Variants in EGLN1 observed in about 807,000 individuals in gnomAD.
EGLN1 encodes egl-9 family hypoxia inducible factor 1.
EGLN1 carries 17 observed loss-of-function variants against 38.3 expected under a neutral mutation model. That is an observed-to-expected ratio of 0.44 (90% CI 0.30 to 0.67). EGLN1 has a LOEUF of 0.67. EGLN1 is among the 30% of genes least tolerant of loss of function. The probability of loss-of-function intolerance (pLI) is 0.08; values close to 1 mark genes in which losing one functional copy is unlikely to be tolerated. For missense variants in EGLN1, 477 were observed against 603.3 expected (o/e 0.79, Z 2.19); for synonymous variants, 283 against 257.5 (o/e 1.10, Z -0.95).
chr1:231,402,689 C>A (rs1292798751), intron 1 of EGLN1, among the ~76,000 whole-genome samples: 1 of 152,072 alleles, frequency 6.6e-6, no homozygotes, highest in East Asian at 1.9e-4. Flanking sequence ...CCGGCCTCGG[C>A]CTCCCAAAGT....
intron 1 of EGLN1, among the ~76,000 whole-genome samples, chr1:231,405,215 C>A (rs1293310271): frequency 6.6e-6 from 1 of 152,070 alleles, no homozygotes; most frequent in Non-Finnish European, 1.5e-5. Context: ...TTCTGTCGCC[C>A]AGGCTGGAGT....
intron 1 of EGLN1, among the ~76,000 whole-genome samples, chr1:231,375,622 G>GT (rs1189651884): frequency 6.6e-6 from 1 of 152,146 alleles, no homozygotes; most frequent in African/African-American, 2.4e-5. Flanking sequence ...ATATGTCTCT[G>GT]TTTTTCCTGA....
chr1:231,378,892 T>C (rs773469569), intron 1 of EGLN1, among the ~76,000 whole-genome samples: 2 of 152,180 alleles, frequency 1.3e-5, no homozygotes, highest in African/African-American at 4.8e-5. Flanking sequence ...TTAAACTATA[T>C]TATCAAAGCA....
chr1:231,373,949 A>G, intron 2 of EGLN1, 31 bp downstream of exon 2: 1 of 1,611,888 alleles, frequency 6.2e-7, no homozygotes, highest in South Asian at 1.1e-5. Flanking sequence ...CACCTGTAAG[A>G]AAAAAATAAA....
At chr1:231,417,467 C>T (rs1297863895) in intron 1 of EGLN1, among the ~76,000 whole-genome samples, 1 of 152,142 alleles carries the variant, frequency 6.6e-6, no homozygotes, top group Non-Finnish European at 1.5e-5. Context: ...CCTCACTCCT[C>T]TGCATTCCTC....
chr1:231,389,406 GAAA>G (rs112313323), intron 1 of EGLN1, among the ~76,000 whole-genome samples: 71 of 149,866 alleles, frequency 4.7e-4, no homozygotes, highest in Middle Eastern at 3.5e-3. Context: ...TTGACAAAAT[GAAA>G]AAAAATTTTT....
At chr1:231,369,431 G>A (rs1157469325) in intron 3 of EGLN1, 1 of 265,992 alleles carries the variant, frequency 3.8e-6, no homozygotes, top group Non-Finnish European at 5.8e-6. Flanking sequence ...CAGTTACTGT[G>A]TCAGAAAATC....
At chr1:231,420,939 A>G (rs1353711766) in intron 1 of EGLN1, 59 bp downstream of exon 1, 7 of 1,613,312 alleles carry the variant, frequency 4.3e-6, no homozygotes, top group Non-Finnish European at 5.1e-6. Context: ...TTTCAGTCGC[A>G]GGCAGGGGCT....
intron 1 of EGLN1, among the ~76,000 whole-genome samples, chr1:231,387,755 T>TTCTC (rs960830387): frequency 5.3e-5 from 8 of 152,122 alleles, no homozygotes; most frequent in African/African-American, 1.9e-4. Flanking sequence ...AGAAGTCAAG[T>TTCTC]TCTCTATATC....
chr1:231,373,927 T>C, intron 2 of EGLN1, 53 bp downstream of exon 2: 2 of 1,603,734 alleles, frequency 1.2e-6, no homozygotes, highest in African/African-American at 1.3e-5. Flanking sequence ...CTTAATGCTT[T>C]TGAGAAAAAG....
At chr1:231,411,008 G>A (rs1293998946) in intron 1 of EGLN1, among the ~76,000 whole-genome samples, 2 of 152,030 alleles carry the variant, frequency 1.3e-5, no homozygotes, top group Non-Finnish European at 2.9e-5. Context: ...CAAAACTATA[G>A]AAGCCAAGCT....
chr1:231,368,166 A>G (rs1006239969), intron 3 of EGLN1, among the ~76,000 whole-genome samples: 12 of 152,104 alleles, frequency 7.9e-5, no homozygotes, highest in African/African-American at 2.9e-4. Context: ...ACTCCAGCCT[A>G]GGTGACAGAG....
At chr1:231,412,674 TAGA>T (rs1343575977) in intron 1 of EGLN1, among the ~76,000 whole-genome samples, 3 of 152,184 alleles carry the variant, frequency 2.0e-5, no homozygotes, top group African/African-American at 7.2e-5. Context: ...AGGATGGGGC[TAGA>T]AGGTCAACAG....
Position 231,421,457 on chromosome 1 carries a change from G to A in EGLN1, c.432C>T (p.Pro144=), listed in dbSNP as rs886046110. The change falls in exon 1 of 5, where the codon CCC becomes CCT. Residue 144 remains proline (P), a synonymous_variant. Transcript: ENST00000366641. The surrounding 1 kb of genome is among the most constrained non-coding windows in gnomAD (Gnocchi z 5.5). ...QGSAVAAEAE[P]GKEEPPARSS... ...AGCGGGCCGGCGGCTCCTCCTTGCC[G>A]GGCTCGGCTTCGGCAGCCACCGCCG... is the stretch of plus-strand genomic sequence containing the variant. 4.1e-6 allele frequency: 6 copies of A among 1,479,986 alleles called. No individual in the cohort carries two copies. The highest frequency in any genetic ancestry group is 1.8e-4 in the Middle Eastern group (1 of 5,420). 91.7% of individuals were successfully genotyped at this position (1,479,986 alleles called of 1,614,324 possible). A position where few individuals can be genotyped will look rare whatever the true frequency, so the allele number is the denominator to read the frequency against.
At chr1:231,390,375 AAG>A (rs918550247) in intron 1 of EGLN1, among the ~76,000 whole-genome samples, 2 of 152,344 alleles carry the variant, frequency 1.3e-5, no homozygotes, top group African/African-American at 4.8e-5. Context: ...CATAAACTCT[AAG>A]AGAGTCTACT....
intron 4 of EGLN1, among the ~76,000 whole-genome samples, chr1:231,367,303 T>C (rs1263709652): frequency 1.3e-5 from 2 of 152,204 alleles, no homozygotes; most frequent in Non-Finnish European, 2.9e-5. Context: ...AAAAGGATAA[T>C]CACAGAAAAC....
chr1:231,382,486 C>T (rs963910112), intron 1 of EGLN1, among the ~76,000 whole-genome samples: 1 of 152,164 alleles, frequency 6.6e-6, no homozygotes, highest in Non-Finnish European at 1.5e-5. Context: ...TAGTAATTAA[C>T]ATAGTGGATA....
rs79820597 is a variant in EGLN1 at position 231,383,931 on chromosome 1, T to C, written c.892-9832A>G. Among the ~76,000 whole-genome samples the C allele has an allele frequency of 7.5e-4, 114 of 152,256 alleles. 2 individuals carry two copies. In the East Asian group the frequency reaches 0.021, roughly 28 times the overall value. The stretch of plus-strand genomic sequence containing the variant: ...ACTTTAAACAAGCACTTCATTGTAA[T>C]TGGCAAAAAATCAAAAATAAAGAGT... On this transcript the variant is annotated intron_variant, in intron 1 of 4. Coordinates refer to ENST00000366641, the MANE Select transcript of EGLN1 (RefSeq NM_022051.3).
intron 1 of EGLN1, among the ~76,000 whole-genome samples, chr1:231,405,501 C>G (rs1215207960): frequency 6.6e-6 from 1 of 152,062 alleles, no homozygotes; most frequent in Non-Finnish European, 1.5e-5. Context: ...TTTAAAAAGT[C>G]TTTTACAAAT....
Sources: gnomAD v4.1 joint callset for allele counts (sites outside exome capture counted in the v4.1 genomes callset) on GRCh38, gnomAD v4.1.1 for gene constraint, Gnocchi (gnomAD v3.1) non-coding constraint, MANE v1.5 for transcripts, NCBI Gene and HGNC (gene_info 2026-07-23, HGNC 2026-07-21) for gene names.